The following GPC5 variants were observed in gnomAD, a reference collection of about 807,000 sequenced individuals.
The protein encoded by GPC5 is glypican 5, also known as glypican-5.
A neutral mutation model predicts 53.9 loss-of-function variants in GPC5; 47 were observed. That is an observed-to-expected ratio of 0.87 (90% CI 0.69 to 1.11). The LOEUF is 1.11. Among genes scored for constraint, GPC5 ranks in the 50% most tolerant of loss-of-function variants. The pLI, the probability that GPC5 is intolerant of heterozygous loss-of-function variation, is 0.00. For missense variants in GPC5, 748 were observed against 713.1 expected (o/e 1.05, Z -0.56); for synonymous variants, 286 against 263.3 (o/e 1.09, Z -0.84).
intron 7 of GPC5, among the ~76,000 whole-genome samples, chr13:92,753,728 A>G (rs952143947): frequency 3.9e-5 from 6 of 152,202 alleles, no homozygotes; most frequent in Admixed American, 3.9e-4. Flanking sequence ...GAAAGGTATC[A>G]GCAATGGAAG....
intron 6 of GPC5, among the ~76,000 whole-genome samples, chr13:92,031,202 C>A (rs1272184722): frequency 1.3e-5 from 2 of 152,124 alleles, no homozygotes; most frequent in Admixed American, 1.3e-4. Context: ...CAGGCTTACC[C>A]TTAAAACCTC....
At chr13:92,826,690 G>A (rs1283041742) in intron 7 of GPC5, among the ~76,000 whole-genome samples, 1 of 152,144 alleles carries the variant, frequency 6.6e-6, no homozygotes, top group Non-Finnish European at 1.5e-5. Flanking sequence ...CCATAAGGGT[G>A]TACAATTCCT....
chr13:91,461,687 A>G (rs1881937864), intron 2 of GPC5, among the ~76,000 whole-genome samples: 2 of 152,088 alleles, frequency 1.3e-5, no homozygotes, highest in African/African-American at 2.4e-5. Flanking sequence ...TTTCCTCAAT[A>G]TTTGATAGGC....
chr13:92,791,387 G>GTGTGTGTAACTTTGTGAGTGTA (rs1262859423), intron 7 of GPC5, among the ~76,000 whole-genome samples: 3 of 149,046 alleles, frequency 2.0e-5, no homozygotes, highest in African/African-American at 7.4e-5. Context: ...TTCATTATAC[G>GTGTGTGTAACTTTGTGAGTGTA]TGTGTGTAAC....
At chr13:91,652,228 A>G (rs1327980580) in intron 2 of GPC5, among the ~76,000 whole-genome samples, 1 of 152,208 alleles carries the variant, frequency 6.6e-6, no homozygotes, top group African/African-American at 2.4e-5. Context: ...AGCGTTCACC[A>G]TGCTCTGTGG....
At chr13:91,888,661 T>C (rs2039352440) in intron 5 of GPC5, among the ~76,000 whole-genome samples, 2 of 152,302 alleles carry the variant, frequency 1.3e-5, no homozygotes, top group Non-Finnish European at 2.9e-5. Context: ...GTTTACAGAT[T>C]ATTCATGTTA....
At chr13:92,477,629 G>T (rs770115936) in intron 7 of GPC5, among the ~76,000 whole-genome samples, 2 of 151,960 alleles carry the variant, frequency 1.3e-5, no homozygotes, top group African/African-American at 2.4e-5. Context: ...AGTAGCTGTA[G>T]CCAAAACCTG....
At chr13:92,425,319 A>C (rs2139367497) in intron 7 of GPC5, among the ~76,000 whole-genome samples, 1 of 152,222 alleles carries the variant, frequency 6.6e-6, no homozygotes, top group East Asian at 1.9e-4. Flanking sequence ...TAGATGTAGT[A>C]AAAGTTTACC....
chr13:91,647,581 G>A (rs933016832), intron 2 of GPC5, among the ~76,000 whole-genome samples: 1 of 152,188 alleles, frequency 6.6e-6, no homozygotes, highest in Non-Finnish European at 1.5e-5. Context: ...TGGCAGGGAT[G>A]CTAAGTCTGG....
At chr13:92,237,734 T>C (rs895860463) in intron 7 of GPC5, among the ~76,000 whole-genome samples, 1 of 152,160 alleles carries the variant, frequency 6.6e-6, no homozygotes, top group South Asian at 2.1e-4. Context: ...TCTTAGTTTA[T>C]TCACAATGTT....
intron 7 of GPC5, among the ~76,000 whole-genome samples, chr13:92,149,051 G>T (rs1034477526): frequency 6.6e-6 from 1 of 151,804 alleles, no homozygotes; most frequent in Non-Finnish European, 1.5e-5. Context: ...TTGGCAAGCT[G>T]GTTCACAGTG....
At chr13:91,458,698 T>TG (rs1881724739) in intron 2 of GPC5, among the ~76,000 whole-genome samples, 1 of 152,112 alleles carries the variant, frequency 6.6e-6, no homozygotes, top group East Asian at 1.9e-4. Context: ...ATCCCACTAC[T>TG]GGATATCTAT....
At chr13:92,062,338 C>T (rs1458369366) in intron 6 of GPC5, among the ~76,000 whole-genome samples, 1 of 151,824 alleles carries the variant, frequency 6.6e-6, no homozygotes, top group Non-Finnish European at 1.5e-5. Context: ...CATTCATTTG[C>T]ATTGGTTTAT....
intron 7 of GPC5, among the ~76,000 whole-genome samples, chr13:92,269,468 C>T (rs962458636): frequency 1.3e-5 from 2 of 151,980 alleles, no homozygotes; most frequent in African/African-American, 2.4e-5. Flanking sequence ...TGCAGCAGCA[C>T]GATCTCGGCT....
chr13:91,564,647 C>G (rs2031443284), intron 2 of GPC5, among the ~76,000 whole-genome samples: 1 of 152,134 alleles, frequency 6.6e-6, no homozygotes, highest in African/African-American at 2.4e-5. Flanking sequence ...TTTCTAATCT[C>G]TGTCATCTTA....
intron 7 of GPC5, among the ~76,000 whole-genome samples, chr13:92,489,281 A>G (rs1015954350): frequency 6.6e-6 from 1 of 152,146 alleles, no homozygotes; most frequent in African/African-American, 2.4e-5. Context: ...ATATTTATCA[A>G]GTATTAGTAT....
chr13:92,407,771 TA>T (rs1007417607), intron 7 of GPC5, among the ~76,000 whole-genome samples: 4 of 152,106 alleles, frequency 2.6e-5, no homozygotes, highest in African/African-American at 9.7e-5. Flanking sequence ...TATTAAGACA[TA>T]AAAAATGTGA....
intron 3 of GPC5, among the ~76,000 whole-genome samples, chr13:91,716,086 A>AT (rs932687648): frequency 0.013 from 1,966 of 148,802 alleles, 16 homozygotes; most frequent in Middle Eastern, 0.048. Flanking sequence ...GCCCATCTTG[A>AT]TTTTTTTTTT....
At chr13:91,962,814 A>G (rs1477379409) in intron 6 of GPC5, among the ~76,000 whole-genome samples, 1 of 152,198 alleles carries the variant, frequency 6.6e-6, no homozygotes, top group Non-Finnish European at 1.5e-5. Context: ...CAAAATTATT[A>G]TATATGGTAG....
Sources: allele counts gnomAD v4.1 joint callset (sites outside exome capture counted in the v4.1 genomes callset), GRCh38; gene constraint gnomAD v4.1.1; transcripts MANE v1.5; gene names NCBI Gene and HGNC (gene_info 2026-07-23, HGNC 2026-07-21).